The following CEP57L1 variants were observed in gnomAD, a reference collection of about 807,000 sequenced individuals.
CEP57L1 encodes centrosomal protein CEP57L1.
CEP57L1 carries 37 observed loss-of-function variants against 61.0 expected under a neutral mutation model. That is an observed-to-expected ratio of 0.61 (90% CI 0.47 to 0.80). The LOEUF (loss-of-function observed/expected upper bound fraction) is 0.80. Ranked by LOEUF, CEP57L1 falls within the 30% of genes least tolerant of loss-of-function variation. The probability of loss-of-function intolerance (pLI) is 0.00; values close to 1 mark genes in which losing one functional copy is unlikely to be tolerated. For missense variants in CEP57L1, 422 were observed against 524.7 expected (o/e 0.80, Z 1.91); for synonymous variants, 137 against 162.3 (o/e 0.84, Z 1.19).
chr6:109,165,305 G>A lies in CEP57L1; in HGVS notation c.*2335G>A, dbSNP rs1774025767. ...GGATTATACTAATATCTCCCTCACA[G>A]GACTATACTAATTTGTTGTGAGGAG... is the stretch of plus-strand genomic sequence containing the variant. On this transcript the variant is annotated 3_prime_UTR_variant, in exon 11 of 11. Coordinates refer to ENST00000517392, the MANE Select transcript of CEP57L1 (RefSeq NM_001271852.3). 6.6e-6 allele frequency among the ~76,000 whole-genome samples: 1 copy of A among 151,730 alleles called. No individual in the cohort carries two copies. The highest frequency in any genetic ancestry group is 1.5e-5 in the Non-Finnish European group (1 of 67,996).
intron 1 of CEP57L1, among the ~76,000 whole-genome samples, chr6:109,120,260 G>T (rs1283744222): frequency 6.6e-6 from 1 of 152,078 alleles, no homozygotes; most frequent in Non-Finnish European, 1.5e-5. Flanking sequence ...TAGGTTACAG[G>T]TACATGAAAA....
chr6:109,167,167 A>G lies in CEP57L1; in HGVS notation c.*4197A>G, dbSNP rs1286150510. ...CAGCCTTTTTCTTCATATTCCATCT[A>G]CTTGTTTTCATGTAACTTTGTCTTT... On this transcript the variant is annotated 3_prime_UTR_variant, in exon 11 of 11. Coordinates refer to ENST00000517392, the MANE Select transcript of CEP57L1 (RefSeq NM_001271852.3). Among the ~76,000 whole-genome samples the G allele has an allele frequency of 2.0e-5, 3 of 151,168 alleles. No homozygotes were observed. The highest frequency in any genetic ancestry group is 7.3e-5 in the African/African-American group (3 of 41,058).
chr6:109,116,122 GTGTTGTGTTATGTTATGTTATGTTA>G (rs1256943046), intron 1 of CEP57L1, among the ~76,000 whole-genome samples: 4 of 123,130 alleles, frequency 3.2e-5, no homozygotes, highest in African/African-American at 1.4e-4. Context: ...TTTATGTTAT[GTGTTGTGTTATGTTATGTTATGTTA>G]TGTTATGTTA....
intron 1 of CEP57L1, among the ~76,000 whole-genome samples, chr6:109,110,128 A>G (rs1262929887): frequency 6.6e-6 from 1 of 152,174 alleles, no homozygotes; most frequent in Non-Finnish European, 1.5e-5. Context: ...GTCTTCCACA[A>G]TGGTTGAACT....
intron 1 of CEP57L1, among the ~76,000 whole-genome samples, chr6:109,137,882 G>C (rs1390849029): frequency 4.6e-5 from 7 of 152,154 alleles, no homozygotes; most frequent in Admixed American, 3.3e-4. Flanking sequence ...GTGCTAAGGA[G>C]GGAAATAGAA....
At chr6:109,111,233 G>T (rs939466469) in intron 1 of CEP57L1, among the ~76,000 whole-genome samples, 5 of 152,090 alleles carry the variant, frequency 3.3e-5, no homozygotes, top group African/African-American at 1.2e-4. Flanking sequence ...CCTTGAAGAG[G>T]TCGTTTACAT....
chr6:109,134,247 G>T (rs1328732495), intron 1 of CEP57L1, among the ~76,000 whole-genome samples: 2 of 151,840 alleles, frequency 1.3e-5, no homozygotes, highest in African/African-American at 4.8e-5. Context: ...GGGATGCAAG[G>T]CTGGTTCAAC....
chr6:109,139,669 G>C (rs966055697), intron 1 of CEP57L1, among the ~76,000 whole-genome samples: 2 of 151,998 alleles, frequency 1.3e-5, no homozygotes, highest in African/African-American at 2.4e-5. Context: ...TGTATTTTTA[G>C]TAGAGAAGGT....
Position 109,174,385 on chromosome 6 carries a change from C to T in CEP57L1, c.*11415C>T, listed in dbSNP as rs1247634402. On this transcript the variant is annotated 3_prime_UTR_variant, in exon 11 of 11. Coordinates refer to ENST00000517392, the MANE Select transcript of CEP57L1 (RefSeq NM_001271852.3). ...CCTTCTGTAAAGTTTCTACCCTTTGCTCTAAAGTTACATAAAAACAATTTC... is the reference window on the plus strand; with the variant it reads ...CCTTCTGTAAAGTTTCTACCCTTTGTTCTAAAGTTACATAAAAACAATTTC... 1.3e-5 allele frequency among the ~76,000 whole-genome samples: 2 copies of T among 152,186 alleles called. No homozygotes were observed. The highest frequency in any genetic ancestry group is 4.8e-5 in the African/African-American group (2 of 41,452).
intron 1 of CEP57L1, among the ~76,000 whole-genome samples, chr6:109,105,828 G>A (rs1234668860): frequency 6.6e-6 from 1 of 152,128 alleles, no homozygotes; most frequent in African/African-American, 2.4e-5. Context: ...GTGAGCAACA[G>A]GTGAACAAGT....
intron 1 of CEP57L1, among the ~76,000 whole-genome samples, chr6:109,135,413 T>A (rs1774743545): frequency 6.6e-6 from 1 of 152,074 alleles, no homozygotes; most frequent in Non-Finnish European, 1.5e-5. Context: ...AAAAATTAAT[T>A]CAAGATGGGT....
intron 1 of CEP57L1, among the ~76,000 whole-genome samples, chr6:109,113,614 A>G (rs1192271102): frequency 6.6e-6 from 1 of 152,198 alleles, no homozygotes; most frequent in Non-Finnish European, 1.5e-5. Context: ...AAGTCACAGC[A>G]TTATTTTATG....
At chr6:109,158,572 ATGTGAACAT>A in intron 7 of CEP57L1, 1 of 452,492 alleles carries the variant, frequency 2.2e-6, no homozygotes, top group Non-Finnish European at 4.4e-6. Flanking sequence ...ACAGGTTTTT[ATGTGAACAT>A]AAGTTTTCAT....
chr6:109,095,326 T>C (rs936952858), upstream of CEP57L1: 1 of 985,840 alleles, frequency 1.0e-6, no homozygotes. Flanking sequence ...GCGAAGGGAC[T>C]CCTGGAAGAA....
chr6:109,159,490 C>T lies in CEP57L1; in HGVS notation c.1016+28C>T, dbSNP rs538667406. The T allele has an allele frequency of 1.4e-3, 2,164 of 1,558,210 alleles. 33 individuals carry two copies. In the African/African-American group the frequency reaches 0.026, roughly 19 times the overall value. ...AAGTATTTATATTCTTTTTTTTTTT[C>T]AAGAGACAGTGTCTCGCTATGTTGC... is the stretch of plus-strand genomic sequence containing the variant. On this transcript the variant is annotated intron_variant, in intron 9 of 10. Transcript: ENST00000517392.
At chr6:109,145,924 A>T (rs1165385088) in intron 2 of CEP57L1, among the ~76,000 whole-genome samples, 1 of 151,978 alleles carries the variant, frequency 6.6e-6, no homozygotes, top group Non-Finnish European at 1.5e-5. Flanking sequence ...CTTTTCTGAG[A>T]TGCTGATATC....
Position 109,155,253 on chromosome 6 carries a change from A to C in CEP57L1, c.603A>C (p.Glu201Asp). ...TAEDKIKHLEEKLKEEEHQRK... is the reference protein window; with the variant it reads ...TAEDKIKHLEDKLKEEEHQRK... ...AGGACAAGATTAAACATTTAGAAGAAAAACTTAAGGAAGAAGAACATCAGC... is the reference window on the plus strand; with the variant it reads ...AGGACAAGATTAAACATTTAGAAGACAAACTTAAGGAAGAAGAACATCAGC... The change falls in exon 6 of 11, where the codon GAA becomes GAC. Residue 201 changes from glutamate (E) to aspartate (D), a missense_variant. By Grantham distance (45) the Glu-to-Asp change is conservative (BLOSUM62 2). Transcript: ENST00000517392. 6.3e-7 allele frequency: 1 copy of C among 1,594,884 alleles called. No individual in the cohort carries two copies. The highest frequency in any genetic ancestry group is 1.1e-5 in the South Asian group (1 of 87,468).
chr6:109,099,949 C>T (rs1782179346), intron 1 of CEP57L1, among the ~76,000 whole-genome samples: 2 of 152,212 alleles, frequency 1.3e-5, no homozygotes, highest in Non-Finnish European at 2.9e-5. Flanking sequence ...TCTTTAACTC[C>T]TCTTCTTGCA....
intron 1 of CEP57L1, among the ~76,000 whole-genome samples, chr6:109,142,950 TC>T (rs1562112900): frequency 3.4e-4 from 4 of 11,930 alleles, no homozygotes; most frequent in Admixed American, 1.9e-3. Context: ...TCTCTTGCTC[TC>T]TCTCTCTCTC....
Sources: gnomAD v4.1 joint callset for allele counts (sites outside exome capture counted in the v4.1 genomes callset) on GRCh38, gnomAD v4.1.1 for gene constraint, MANE v1.5 for transcripts, NCBI Gene and HGNC (gene_info 2026-07-23, HGNC 2026-07-21) for gene names.